The following RALGPS1 variants were observed in gnomAD, a reference collection of about 807,000 sequenced individuals.
RALGPS1 encodes Ral GEF with PH domain and SH3 binding motif 1.
A neutral mutation model predicts 78.8 loss-of-function variants in RALGPS1; 19 were observed. The observed-to-expected ratio is 0.24, with a 90% CI of 0.17 to 0.35. The LOEUF is 0.35. Ranked by LOEUF, RALGPS1 falls within the 10% of genes least tolerant of loss-of-function variation. The pLI is 1.00. For synonymous variants in RALGPS1, 228 were observed against 256.3 expected (o/e 0.89, Z 1.06); for missense variants, 454 against 688.3 (o/e 0.66, Z 3.81).
At chr9:126,979,035 A>G (rs938098062) in intron 4 of RALGPS1, among the ~76,000 whole-genome samples, 20 of 152,206 alleles carry the variant, frequency 1.3e-4, no homozygotes, top group African/African-American at 4.8e-4. Flanking sequence ...CTAGGGTGTG[A>G]ATTCCAGAAT....
chr9:127,046,540 G>A (rs551605917), intron 5 of RALGPS1, among the ~76,000 whole-genome samples: 61 of 152,196 alleles, frequency 4.0e-4, no homozygotes, highest in Non-Finnish European at 7.2e-4. Flanking sequence ...ATGTATAAGA[G>A]TACCAATGTC....
intron 14 of RALGPS1, among the ~76,000 whole-genome samples, chr9:127,207,916 C>G (rs2062022592): frequency 6.6e-6 from 1 of 152,382 alleles, no homozygotes; most frequent in Non-Finnish European, 1.5e-5. Context: ...GGCACAGGCC[C>G]TCCACCCGCA....
rs527383063 is a variant in RALGPS1, at chr9:126,964,552, C to T, written c.58-1292C>T. ...AGATGATAACTGAGACTCAGTAAAA[C>T]GAAGTTATTCGTCTGAGCACAGACA... On this transcript the variant is annotated intron_variant, in intron 2 of 18. Coordinates refer to ENST00000259351, the MANE Select transcript of RALGPS1 (RefSeq NM_014636.3). Among the ~76,000 whole-genome samples, 52 of 151,228 alleles carry T rather than the reference C, an allele frequency of 3.4e-4. 1 individual carries two copies. Among genetic ancestry groups the T allele is most frequent in the African/African-American group, 1.1e-3 (46 of 41,400 alleles).
At chr9:127,019,517 CA>C (rs1407922933) in intron 4 of RALGPS1, among the ~76,000 whole-genome samples, 4 of 152,182 alleles carry the variant, frequency 2.6e-5, no homozygotes, top group Admixed American at 2.6e-4. Context: ...TTAGTAGAGA[CA>C]GGGTTTCACC....
intron 11 of RALGPS1, among the ~76,000 whole-genome samples, chr9:127,175,707 A>G (rs1248568946): frequency 1.6e-5 from 2 of 125,028 alleles, no homozygotes; most frequent in South Asian, 4.9e-4. Flanking sequence ...TTTTTATCCT[A>G]TAAAATGGGA....
intron 8 of RALGPS1, among the ~76,000 whole-genome samples, chr9:127,090,721 G>T (rs1342367527): frequency 2.0e-5 from 3 of 152,210 alleles, no homozygotes; most frequent in Non-Finnish European, 4.4e-5. Context: ...GGCAGGAGGG[G>T]ACTGGGTTTG....
chr9:127,118,947 G>A (rs2055748694), intron 8 of RALGPS1, among the ~76,000 whole-genome samples: 1 of 152,230 alleles, frequency 6.6e-6, no homozygotes, highest in Non-Finnish European at 1.5e-5. Context: ...TGTGGGTGAT[G>A]AGGACCTGAG....
intron 10 of RALGPS1, among the ~76,000 whole-genome samples, chr9:127,172,797 A>T (rs2059633366): frequency 6.7e-6 from 1 of 148,154 alleles, no homozygotes; most frequent in Non-Finnish European, 1.5e-5. Flanking sequence ...AAGTTGTTCC[A>T]CTGCTCTAAG....
In RALGPS1 at chr9:127,153,375, C is replaced by CTT. The variant is rs60308901; in HGVS notation, c.611-12671_611-12670dup. Among the ~76,000 whole-genome samples, 587 of 102,096 alleles carry CTT rather than the reference C, an allele frequency of 5.7e-3. 7 individuals carry two copies. Among genetic ancestry groups the CTT allele is most frequent in the African/African-American group, 0.02 (552 of 27,700 alleles). The allele number at this position is 102,096 out of a possible 152,430, so 67.0% of individuals were successfully genotyped here. A position where few individuals can be genotyped will look rare whatever the true frequency, so the allele number is the denominator to read the frequency against. On this transcript the variant is annotated intron_variant, in intron 8 of 18. Transcript: ENST00000259351. The stretch of plus-strand genomic sequence containing the variant: ...CACGTAAATGTATGCTAGAGGATTA[C>CTT]TTTTTTTTTTTTTTTTTTTTTTTTA...
At chr9:127,120,793 A>G (rs559636786) in intron 8 of RALGPS1, among the ~76,000 whole-genome samples, 201 of 150,660 alleles carry the variant, frequency 1.3e-3, no homozygotes, top group South Asian at 4.4e-3. Context: ...ATGCCACTGC[A>G]CTCCAGCCTG....
At chr9:126,994,222 A>G (rs758870978) in intron 4 of RALGPS1, among the ~76,000 whole-genome samples, 10 of 152,206 alleles carry the variant, frequency 6.6e-5, no homozygotes, top group Non-Finnish European at 1.3e-4. Flanking sequence ...CAGATGATCA[A>G]ACTACCCCGA....
chr9:127,082,800 GCA>G (rs1233875297), intron 8 of RALGPS1, among the ~76,000 whole-genome samples: 2 of 152,150 alleles, frequency 1.3e-5, no homozygotes, highest in Non-Finnish European at 2.9e-5. Context: ...CACATGGAAA[GCA>G]CCCTATAGAT....
At chr9:127,021,535 GTTC>G (rs1186700867) in intron 4 of RALGPS1, among the ~76,000 whole-genome samples, 2 of 146,406 alleles carry the variant, frequency 1.4e-5, no homozygotes, top group Admixed American at 6.8e-5. Context: ...TTTAAAAAAA[GTTC>G]TTCATTGGGC....
At position 126,966,086 on chromosome 9, in the gene RALGPS1, A is replaced by G. The variant is rs1366082710; in HGVS notation, c.165+135A>G. ...GAGGGGAGTGTTGAGTAAAGTCCGT[A>G]CCACCCTTTGTGAAATACAATGCAG... On this transcript the variant is annotated intron_variant, in intron 3 of 18. Transcript: ENST00000259351. 6.1e-6 allele frequency: 4 copies of G among 653,182 alleles called. No homozygotes were observed. The African/African-American group carries it at 7.2e-5, about 12-fold the overall frequency. 40.5% of individuals were successfully genotyped at this position (653,182 alleles called of 1,614,324 possible). A position where few individuals can be genotyped will look rare whatever the true frequency, so the allele number is the denominator to read the frequency against.
chr9:126,995,811 C>T (rs1186963877), intron 4 of RALGPS1, among the ~76,000 whole-genome samples: 14 of 152,180 alleles, frequency 9.2e-5, no homozygotes, highest in Non-Finnish European at 2.1e-4. Flanking sequence ...TGTAAAAGAA[C>T]AGAAATTATA....
intron 1 of RALGPS1, among the ~76,000 whole-genome samples, chr9:126,934,764 A>G (rs1353992936): frequency 2.0e-5 from 3 of 151,908 alleles, no homozygotes; most frequent in South Asian, 2.1e-4. Context: ...CTGTTCCCCC[A>G]ACAGCTGGGC....
intron 8 of RALGPS1, among the ~76,000 whole-genome samples, chr9:127,093,347 C>G (rs911104351): frequency 6.6e-6 from 1 of 152,190 alleles, no homozygotes; most frequent in African/African-American, 2.4e-5. Context: ...TTGGGACTTG[C>G]GCCTTCTGGG....
At chr9:127,145,650 C>T (rs905626365) in intron 8 of RALGPS1, among the ~76,000 whole-genome samples, 10 of 152,294 alleles carry the variant, frequency 6.6e-5, no homozygotes, top group African/African-American at 2.4e-4. Flanking sequence ...CCGACTCTGC[C>T]TTTACTCTGA....
At chr9:127,047,883 TAGAAA>T (rs752603549) in intron 5 of RALGPS1, among the ~76,000 whole-genome samples, 15 of 151,952 alleles carry the variant, frequency 9.9e-5, no homozygotes, top group African/African-American at 3.4e-4. Context: ...GTTTTGTAGT[TAGAAA>T]AGAAAATAAA....
Sources: allele counts gnomAD v4.1 joint callset (sites outside exome capture counted in the v4.1 genomes callset), GRCh38; gene constraint gnomAD v4.1.1; transcripts MANE v1.5; gene names NCBI Gene and HGNC (gene_info 2026-07-23, HGNC 2026-07-21).